Variants in WNT6 observed in about 807,000 individuals in gnomAD.
The protein encoded by WNT6 is Wnt family member 6, also known as protein Wnt-6.
Under a neutral mutation model 33.1 loss-of-function variants are expected in WNT6, and 27 were observed. The ratio of observed to expected loss-of-function variants is 0.82; its 90% CI spans 0.60 to 1.12. WNT6 has a LOEUF of 1.12. WNT6 is among the 50% of genes most tolerant of loss of function. The probability of loss-of-function intolerance (pLI) is 0.00; values close to 1 mark genes in which losing one functional copy is unlikely to be tolerated. For missense variants in WNT6, 494 were observed against 535.3 expected (o/e 0.92, Z 0.76); for synonymous variants, 249 against 242.8 (o/e 1.03, Z -0.24).
At chr2:218,861,593 A>G (rs1212203371) in intron 1 of WNT6, among the ~76,000 whole-genome samples, 1 of 152,086 alleles carries the variant, frequency 6.6e-6, no homozygotes, top group Middle Eastern at 3.2e-3. Context: ...AAGGGGATTC[A>G]TTTACATTTA....
chr2:218,871,505 G>C lies in WNT6; in HGVS notation c.322G>C (p.Val108Leu), dbSNP rs1041552597. The C allele has an allele frequency of 1.3e-6, 2 of 1,597,686 alleles. No individual in the cohort carries two copies. The highest frequency in any genetic ancestry group is 4.5e-5 in the East Asian group (2 of 44,802). Residue 108 changes from valine (V) to leucine (L), a missense_variant, in exon 3 of 4, where the codon GTG becomes CTG. By Grantham distance (32) the Val-to-Leu change is conservative (BLOSUM62 1). Transcript: ENST00000233948. This position sits in a 1 kb window ranked among gnomAD's most constrained non-coding sequence, Gnocchi z 6.4. ...CACAGACATTCGGGAGACGGCCTTC[G>C]TGTTCGCCATCACTGCGGCCGGCGC... Reference protein sequence around the residue: ...LQQDIRETAFVFAITAAGASH... With the variant: ...LQQDIRETAFLFAITAAGASH...
chr2:218,866,294 G>A (rs1446808328), intron 1 of WNT6, among the ~76,000 whole-genome samples: 2 of 152,148 alleles, frequency 1.3e-5, no homozygotes, highest in Non-Finnish European at 2.9e-5. Flanking sequence ...AGGGCGTTGG[G>A]TAGCCAGTGG....
Position 218,871,514 on chromosome 2 carries a change from A to G in WNT6, c.331A>G (p.Ile111Val). The G allele has an allele frequency of 1.9e-6, 3 of 1,597,780 alleles. No individual in the cohort carries two copies. Among genetic ancestry groups the G allele is most frequent in the East Asian group, 2.2e-5 (1 of 44,790 alleles). ...DIRETAFVFAITAAGASHAVT... is the reference protein window; with the variant it reads ...DIRETAFVFAVTAAGASHAVT... ...TCGGGAGACGGCCTTCGTGTTCGCC[A>G]TCACTGCGGCCGGCGCCAGCCACGC... The change falls in exon 3 of 4, where the codon ATC becomes GTC. Residue 111 changes from isoleucine to valine, a missense_variant. Transcript: ENST00000233948. This position sits in a 1 kb window ranked among gnomAD's most constrained non-coding sequence, Gnocchi z 6.4.
In WNT6 at chr2:218,860,045, C is replaced by A; in HGVS notation, c.8C>A (p.Pro3Gln). The A allele has an allele frequency of 6.6e-7, 1 of 1,508,630 alleles. No individual in the cohort carries two copies. Among genetic ancestry groups the A allele is most frequent in the East Asian group, 2.7e-5 (1 of 36,946 alleles). The allele number at this position is 1,508,630 out of a possible 1,614,324, so 93.5% of individuals were successfully genotyped here. A position where few individuals can be genotyped will look rare whatever the true frequency, so the allele number is the denominator to read the frequency against. The change falls in exon 1 of 4, where the codon CCG becomes CAG. Residue 3 changes from proline to glutamine, a missense_variant. Pro to Gln is a moderately conservative substitution (Grantham distance 76). Transcript: ENST00000233948. ...GGCCGTAGGGCGGTCACGATGCTGCCGCCCTTACCCTCCCGCCTCGGGCTG... is the reference window on the plus strand; with the variant it reads ...GGCCGTAGGGCGGTCACGATGCTGCAGCCCTTACCCTCCCGCCTCGGGCTG... Reference protein sequence around the residue: MLPPLPSRLGLLL... With the variant: MLQPLPSRLGLLL...
rs958514139 is a variant in WNT6, at chr2:218,873,358, T to C, written c.637-26T>C. 4.6e-6 allele frequency: 7 copies of C among 1,529,078 alleles called. No individual in the cohort carries two copies. In the East Asian group the frequency reaches 1.7e-4, roughly 38 times the overall value. The allele number at this position is 1,529,078 out of a possible 1,614,324, so 94.7% of individuals were successfully genotyped here. The stretch of plus-strand genomic sequence containing the variant: ...TCCCTGCACCCCCTACCTGTCCACA[T>C]GCGTCCGCCCCTCTGCCTCCCGCAG... On this transcript the variant is annotated intron_variant, in intron 3 of 3. Transcript: ENST00000233948. The surrounding 1 kb of genome is among the most constrained non-coding windows in gnomAD (Gnocchi z 6.1).
At position 218,873,255 on chromosome 2, in the gene WNT6, T is replaced by A. The variant is rs1250775300; in HGVS notation, c.637-129T>A. ...TGATTTCCTCCCCCTGAACTTGCGGTCTCCTTTTGTCTGCATTTTCCTCTC... is the reference window on the plus strand; with the variant it reads ...TGATTTCCTCCCCCTGAACTTGCGGACTCCTTTTGTCTGCATTTTCCTCTC... On this transcript the variant is annotated intron_variant, in intron 3 of 3. Transcript: ENST00000233948. This position sits in a 1 kb window ranked among gnomAD's most constrained non-coding sequence, Gnocchi z 6.1. 2 of 903,746 alleles carry A rather than the reference T, an allele frequency of 2.2e-6. No homozygotes were observed. The highest frequency in any genetic ancestry group is 3.3e-6 in the Non-Finnish European group (2 of 614,428). The allele number at this position is 903,746 out of a possible 1,614,324, so 56.0% of individuals were successfully genotyped here.
chr2:218,860,276 T>C (rs1944294636), intron 1 of WNT6, among the ~76,000 whole-genome samples, 159 bp downstream of exon 1: 1 of 152,100 alleles, frequency 6.6e-6, no homozygotes, highest in South Asian at 2.1e-4. Flanking sequence ...ACTTCGACGT[T>C]CCTAACCCTC....
chr2:218,871,809 C>T lies in WNT6; in HGVS notation c.626C>T (p.Ala209Val). ...TTGGTGCAACTGCACAACAACGAGG[C>T]GGGCAGGCTGGTGCGTACGGGCAGG... ...RALVQLHNNE[A>V]GRLAVRSHTR... The change falls in exon 3 of 4, where the codon GCG (alanine) becomes GTG (valine). Residue 209 changes from alanine to valine, a missense_variant. Coordinates refer to ENST00000233948, the MANE Select transcript of WNT6 (RefSeq NM_006522.4). This position sits in a 1 kb window ranked among gnomAD's most constrained non-coding sequence, Gnocchi z 6.4. 3 of 1,588,220 alleles carry T rather than the reference C, an allele frequency of 1.9e-6. No homozygotes were observed. Among genetic ancestry groups the T allele is most frequent in the East Asian group, 2.4e-5 (1 of 41,168 alleles).
chr2:218,871,042 C>G lies in WNT6; in HGVS notation c.96C>G (p.Pro32=), dbSNP rs769224908. ...TGCTTTCCAGGGCTGTGGGCAGCCCCTTGGTTATGGACCCTACCAGCATCT... is the reference window on the plus strand; with the variant it reads ...TGCTTTCCAGGGCTGTGGGCAGCCCGTTGGTTATGGACCCTACCAGCATCT... ...VGGLWWAVGS[P]LVMDPTSICR... The change falls in exon 2 of 4, where the codon CCC becomes CCG. Residue 32 remains proline, a synonymous_variant. Transcript: ENST00000233948. The surrounding 1 kb of genome is among the most constrained non-coding windows in gnomAD (Gnocchi z 6.4). The G allele has an allele frequency of 9.9e-6, 16 of 1,609,756 alleles. No homozygotes were observed. The highest frequency in any genetic ancestry group is 1.3e-5 in the African/African-American group (1 of 74,840).
intron 1 of WNT6, among the ~76,000 whole-genome samples, chr2:218,863,681 T>G (rs1944329570): frequency 6.6e-6 from 1 of 152,124 alleles, no homozygotes; most frequent in Admixed American, 6.5e-5. Flanking sequence ...AAACCCTGTC[T>G]CTACTAAAAA....
At chr2:218,865,632 C>T (rs954396215) in intron 1 of WNT6, among the ~76,000 whole-genome samples, 11 of 152,278 alleles carry the variant, frequency 7.2e-5, no homozygotes, top group Admixed American at 5.9e-4. Flanking sequence ...GTGCCTCATT[C>T]TTGTGAGGAG....
chr2:218,863,687 A>G (rs1253104209), intron 1 of WNT6, among the ~76,000 whole-genome samples: 1 of 152,166 alleles, frequency 6.6e-6, no homozygotes, highest in Non-Finnish European at 1.5e-5. Flanking sequence ...TGTCTCTACT[A>G]AAAATACAAA....
At chr2:218,866,807 G>A (rs560643575) in intron 1 of WNT6, among the ~76,000 whole-genome samples, 36 of 152,290 alleles carry the variant, frequency 2.4e-4, no homozygotes, top group African/African-American at 6.5e-4. Flanking sequence ...AACCCTGAGC[G>A]TACTCCATGA....
rs1249134400 is a variant in WNT6 at position 218,873,687 on chromosome 2, G to T, written c.940G>T (p.Ala314Ser). 1.3e-6 allele frequency: 2 copies of T among 1,578,958 alleles called. No individual in the cohort carries two copies. Among genetic ancestry groups the T allele is most frequent in the Non-Finnish European group, 1.7e-6 (2 of 1,169,632 alleles). Residue 314 changes from alanine to serine, a missense_variant, in exon 4 of 4, where the codon GCC becomes TCC. By Grantham distance (99) the Ala-to-Ser change is moderately conservative (BLOSUM62 1). Coordinates refer to ENST00000233948, the MANE Select transcript of WNT6 (RefSeq NM_006522.4). This position sits in a 1 kb window ranked among gnomAD's most constrained non-coding sequence, Gnocchi z 6.1. ...GCGCGGTCGCGCCTGCAATAGCAGC[G>T]CCCCGGACCTCAGCGGCTGCGACCT... The part of the protein sequence containing the change: ...GTRGRACNSS[A>S]PDLSGCDLLC...
chr2:218,870,226 A>T (rs1212375721), intron 1 of WNT6, among the ~76,000 whole-genome samples: 1 of 70,954 alleles, frequency 1.4e-5, no homozygotes, highest in Non-Finnish European at 2.3e-5. Flanking sequence ...ATCTCAATTA[A>T]AAAAAAAAAA....
At chr2:218,863,326 G>C (rs980065890) in intron 1 of WNT6, among the ~76,000 whole-genome samples, 2 of 152,182 alleles carry the variant, frequency 1.3e-5, no homozygotes, top group African/African-American at 4.8e-5. Context: ...GTGCTGGCCA[G>C]GAAAGCAGCT....
At chr2:218,864,411 C>A (rs1292991739) in intron 1 of WNT6, among the ~76,000 whole-genome samples, 1 of 152,080 alleles carries the variant, frequency 6.6e-6, no homozygotes, top group African/African-American at 2.4e-5. Flanking sequence ...AGGTGCCTGG[C>A]ACCATGCCAG....
intron 3 of WNT6, among the ~76,000 whole-genome samples, chr2:218,872,123 C>CAGAGAGGGCACAGCTTCA (rs1442854887): frequency 6.6e-6 from 1 of 151,962 alleles, no homozygotes; most frequent in African/African-American, 2.4e-5. Flanking sequence ...TGACCCCAGG[C>CAGAGAGGGCACAGCTTCA]AGAGAGGGCA....
chr2:218,863,428 T>C (rs1559407100), intron 1 of WNT6, among the ~76,000 whole-genome samples: 1 of 152,200 alleles, frequency 6.6e-6, no homozygotes, highest in East Asian at 1.9e-4. Flanking sequence ...CTCGACTGTC[T>C]TGGTCAGGAA....
Sources: gnomAD v4.1 joint callset for allele counts (sites outside exome capture counted in the v4.1 genomes callset) on GRCh38, gnomAD v4.1.1 for gene constraint, Gnocchi (gnomAD v3.1) non-coding constraint, MANE v1.5 for transcripts, NCBI Gene and HGNC (gene_info 2026-07-23, HGNC 2026-07-21) for gene names.